USP13: variants seen among roughly 807,000 people sequenced by gnomAD.
USP13 encodes the protein ubiquitin carboxyl-terminal hydrolase 13.
USP13 carries 68 observed loss-of-function variants against 107.8 expected under a neutral mutation model. That is an observed-to-expected ratio of 0.63 (90% CI 0.52 to 0.77). USP13 has a LOEUF of 0.77. Ranked by LOEUF, USP13 falls within the 30% of genes least tolerant of loss-of-function variation. USP13 has a pLI of 0.00. For missense variants in USP13, 945 were observed against 1,093.3 expected, an observed-to-expected ratio of 0.86 and a Z score of 1.91; for synonymous variants, 377 against 389.5, an observed-to-expected ratio of 0.97 and a Z score of 0.38.
In USP13 at chr3:179,730,546, T is replaced by C. The variant is rs1713766004; in HGVS notation, c.1161-70T>C. The C allele has an allele frequency of 3.1e-6, 4 of 1,284,786 alleles. No homozygotes were observed. The East Asian group carries it at 7.5e-5, about 24-fold the overall frequency. 79.6% of individuals were successfully genotyped at this position (1,284,786 alleles called of 1,614,324 possible). A position where few individuals can be genotyped will look rare whatever the true frequency, so the allele number is the denominator to read the frequency against. On this transcript the variant is annotated intron_variant, in intron 9 of 20. Coordinates refer to ENST00000263966, the MANE Select transcript of USP13 (RefSeq NM_003940.3). ...CAGCAGTTGTACTTATTGATATTCA[T>C]AGATAAATTTAATATTACTATGGAA...
intron 1 of USP13, among the ~76,000 whole-genome samples, chr3:179,658,421 T>C (rs1238169258): frequency 1.3e-5 from 2 of 150,358 alleles, no homozygotes; most frequent in African/African-American, 5.0e-5. Flanking sequence ...TAGTTGGCTC[T>C]CTTGTGCTAA....
chr3:179,754,992 C>T (rs1714739409), intron 15 of USP13, 138 bp downstream of exon 15: 3 of 1,162,406 alleles, frequency 2.6e-6, no homozygotes, highest in Non-Finnish European at 2.4e-6. Flanking sequence ...TGTAACCCAC[C>T]ACCGACACAG....
At chr3:179,730,483 GT>G (rs1713761902) in intron 9 of USP13, 132 bp from the exon 10 acceptor site, 1 of 865,130 alleles carries the variant, frequency 1.2e-6, no homozygotes, top group Non-Finnish European at 1.8e-6. Context: ...AAATAAATAA[GT>G]TATTTGTGTG....
At chr3:179,782,802 A>G (rs1016215073) in intron 20 of USP13, among the ~76,000 whole-genome samples, 5 of 152,126 alleles carry the variant, frequency 3.3e-5, no homozygotes, top group Admixed American at 6.6e-5. Flanking sequence ...CTGGAGTGCA[A>G]TGGCACAATC....
intron 3 of USP13, 106 bp from the exon 4 acceptor site, chr3:179,700,902 G>C (rs1712492488): frequency 7.4e-7 from 1 of 1,342,742 alleles, no homozygotes; most frequent in East Asian, 2.4e-5. Flanking sequence ...TCACACCCTT[G>C]GTATTTCATC....
rs36040024 is a variant in USP13, at chr3:179,670,691, A to ATT, written c.169-11181_169-11180dup. 2.7e-4 allele frequency among the ~76,000 whole-genome samples: 41 copies of ATT among 151,422 alleles called. 1 individual carries two copies. Among genetic ancestry groups the ATT allele is most frequent in the African/African-American group, 8.5e-4 (35 of 41,220 alleles). ...AGTGGCTCATGCCTGTAATCCAGCA[A>ATT]TTTTTTTATTTTTTTATTTTTTTTG... is the stretch of plus-strand genomic sequence containing the variant. On this transcript the variant is annotated intron_variant, in intron 1 of 20. Transcript: ENST00000263966.
chr3:179,724,599 C>G (rs568092882), intron 8 of USP13, among the ~76,000 whole-genome samples: 1 of 152,176 alleles, frequency 6.6e-6, no homozygotes, highest in African/African-American at 2.4e-5. Flanking sequence ...TCCTTGGTAC[C>G]CTGTCTGCCA....
intron 3 of USP13, among the ~76,000 whole-genome samples, chr3:179,698,070 T>C (rs908596615): frequency 1.3e-5 from 2 of 152,164 alleles, no homozygotes; most frequent in African/African-American, 2.4e-5. Context: ...TTCACAGACA[T>C]TTACAGGGTG....
intron 2 of USP13, among the ~76,000 whole-genome samples, chr3:179,687,864 G>A (rs1382832993): frequency 6.6e-6 from 1 of 151,762 alleles, no homozygotes; most frequent in African/African-American, 2.4e-5. Context: ...AAACTCTTTT[G>A]CATGTAATTA....
At chr3:179,665,716 G>A (rs1720567344) in intron 1 of USP13, among the ~76,000 whole-genome samples, 1 of 152,058 alleles carries the variant, frequency 6.6e-6, no homozygotes, top group African/African-American at 2.4e-5. Context: ...CTCCTGAGTA[G>A]CTGGGACCAC....
intron 13 of USP13, among the ~76,000 whole-genome samples, chr3:179,751,079 A>C (rs1194523116): frequency 6.6e-6 from 1 of 152,236 alleles, no homozygotes; most frequent in African/African-American, 2.4e-5. Context: ...TGTGATACCT[A>C]TAAACAGCTC....
At position 179,777,443 on chromosome 3, in the gene USP13, C is replaced by CTTTTTTTTTTTTTTTTTTTTTTTTTTTTT; in HGVS notation, c.2414-4276_2414-4275insTTTTTTTTTTTTTTTTTTTTTTTTTTTTT. ...GGGGTATTGTATCCTCTCTCTCTCTCTTTTTTTTTTTTTTTTTTTTCTTTT... is the reference window on the plus strand; with the variant it reads ...GGGGTATTGTATCCTCTCTCTCTCTCTTTTTTTTTTTTTTTTTTTTTTTTTTTTTTTTTTTTTTTTTTTTTTTTTCTTTT... On this transcript the variant is annotated intron_variant, in intron 19 of 20. Transcript: ENST00000263966. 1.8e-5 allele frequency among the ~76,000 whole-genome samples: 2 copies of CTTTTTTTTTTTTTTTTTTTTTTTTTTTTT among 113,696 alleles called. 1 individual carries two copies. The highest frequency in any genetic ancestry group is 3.5e-5 in the Non-Finnish European group (2 of 57,532). The allele number at this position is 113,696 out of a possible 152,430, so 74.6% of individuals were successfully genotyped here.
At position 179,765,810 on chromosome 3, in the gene USP13, C is replaced by A; in HGVS notation, c.2375C>A (p.Ala792Asp). ...GCCAATGCAAACATTATTTCTGAGG[C>A]CAAGCCCGAAGGACCTAGAGTCAAG... The part of the protein sequence containing the change: ...NNANANIISE[A>D]KPEGPRVKDG... The change falls in exon 19 of 21, where the codon GCC becomes GAC. Residue 792 changes from alanine to aspartate, a missense_variant. Ala to Asp is a moderately radical substitution (Grantham distance 126, BLOSUM62 -2). Transcript: ENST00000263966. 2 of 1,614,088 alleles carry A rather than the reference C, an allele frequency of 1.2e-6. No homozygotes were observed. Among genetic ancestry groups the A allele is most frequent in the Non-Finnish European group, 1.7e-6 (2 of 1,180,008 alleles).
intron 10 of USP13, among the ~76,000 whole-genome samples, chr3:179,736,534 C>A (rs1250618372): frequency 6.6e-6 from 1 of 152,224 alleles, no homozygotes; most frequent in Non-Finnish European, 1.5e-5. Context: ...AACTGGTCTG[C>A]AGCATGATGT....
intron 19 of USP13, among the ~76,000 whole-genome samples, chr3:179,771,296 T>C (rs1369042613): frequency 1.3e-5 from 2 of 152,172 alleles, no homozygotes; most frequent in Non-Finnish European, 2.9e-5. Context: ...TGAGACTCTG[T>C]GAGACTCCGT....
chr3:179,709,054 A>G (rs1712830652), intron 6 of USP13, 97 bp downstream of exon 6: 1 of 1,395,354 alleles, frequency 7.2e-7, no homozygotes, highest in African/African-American at 1.5e-5. Context: ...CAGGCTCTGG[A>G]TGCAGACAGC....
chr3:179,781,869 A>G, intron 20 of USP13, 46 bp downstream of exon 20: 2 of 1,504,674 alleles, frequency 1.3e-6, no homozygotes, highest in Non-Finnish European at 1.9e-6. Flanking sequence ...TTTATTGAGT[A>G]CCTACTATAT....
chr3:179,670,278 G>C (rs557804208), intron 1 of USP13, among the ~76,000 whole-genome samples: 3 of 152,062 alleles, frequency 2.0e-5, no homozygotes, highest in African/African-American at 7.2e-5. Flanking sequence ...TCTTTCTTGC[G>C]TGTTGCCTGT....
At chr3:179,714,823 C>T (rs1234956862) in intron 6 of USP13, among the ~76,000 whole-genome samples, 2 of 151,764 alleles carry the variant, frequency 1.3e-5, no homozygotes, top group Non-Finnish European at 2.9e-5. Context: ...TTCCTGACTA[C>T]AGTCTAGGTT....
Sources: gnomAD v4.1 joint callset for allele counts (sites outside exome capture counted in the v4.1 genomes callset) on GRCh38, gnomAD v4.1.1 for gene constraint, MANE v1.5 for transcripts, NCBI Gene and HGNC (gene_info 2026-07-23, HGNC 2026-07-21) for gene names.